The following CLSPN variants were observed in gnomAD, a reference collection of about 807,000 sequenced individuals.
The protein encoded by CLSPN is claspin.
Under a neutral mutation model 156.3 loss-of-function variants are expected in CLSPN, and 85 were observed. The observed-to-expected ratio is 0.54, with a 90% CI of 0.46 to 0.65. The LOEUF (loss-of-function observed/expected upper bound fraction) is 0.65, where lower values mean the gene tolerates loss of function less well. Among genes scored for constraint, CLSPN ranks in the 30% least tolerant of loss-of-function variants. The pLI, the probability that CLSPN is intolerant of heterozygous loss-of-function variation, is 0.00. For synonymous variants in CLSPN, 534 were observed against 542.4 expected (o/e 0.98, Z 0.22); for missense variants, 1,407 against 1,554.9 (o/e 0.90, Z 1.60).
At position 35,762,147 on chromosome 1, in the gene CLSPN, T is replaced by G. The variant is rs1642502046; in HGVS notation, c.823-77A>C. ...GATAGATATTCATCACTCAAGAGTT[T>G]GCTCTCTCCAAGAAAAGAGGAAAGG... On this transcript the variant is annotated intron_variant, in intron 5 of 24. Transcript: ENST00000318121. 3 of 1,142,030 alleles carry G rather than the reference T, an allele frequency of 2.6e-6. No individual in the cohort carries two copies. The African/African-American group carries it at 4.6e-5, about 18-fold the overall frequency. 70.7% of individuals were successfully genotyped at this position (1,142,030 alleles called of 1,614,324 possible). A position where few individuals can be genotyped will look rare whatever the true frequency, so the allele number is the denominator to read the frequency against.
intron 5 of CLSPN, 56 bp downstream of exon 5, chr1:35,762,348 C>T (rs1642509752): frequency 7.3e-7 from 1 of 1,372,418 alleles, no homozygotes; most frequent in African/African-American, 1.5e-5. Flanking sequence ...CCTAAGAAAT[C>T]TATAATCTCC....
Position 35,722,157 on chromosome 1 carries a change from T to C in CLSPN, c.3910-1177A>G, listed in dbSNP as rs368645199. 1.5e-4 allele frequency among the ~76,000 whole-genome samples: 22 copies of C among 149,404 alleles called. 1 individual carries two copies. In the East Asian group the frequency reaches 1.6e-3, roughly 11 times the overall value. On this transcript the variant is annotated intron_variant, in intron 24 of 24. Transcript: ENST00000251195. ...CTGTCTCAAAAAAAAAAAATTAAAATAAAATAAATAAAGCCTATATCGTGC... is the reference window on the plus strand; with the variant it reads ...CTGTCTCAAAAAAAAAAAATTAAAACAAAATAAATAAAGCCTATATCGTGC...
rs761537035 is a variant in CLSPN, at chr1:35,760,850, G to C, written c.1071C>G (p.Asn357Lys). The change falls in exon 8 of 25, where the codon AAC (asparagine) becomes AAG (lysine). Residue 357 changes from asparagine (N) to lysine (K), a missense_variant. This residue lies in a region of CLSPN where 1,096 missense variants were observed against 1,193.0 expected (regional missense o/e 0.92). Coordinates refer to ENST00000318121, the MANE Select transcript of CLSPN (RefSeq NM_022111.4). The stretch of plus-strand genomic sequence containing the variant: ...CAGAACCTTTACTATGGTGATCACT[G>C]TTCATTTCAGTAGTATTTGCAGTGT... ...IIDTANTTEM[N>K]SDHHSKGSEQ... The C allele has an allele frequency of 7.4e-6, 12 of 1,613,736 alleles. No individual in the cohort carries two copies. Among genetic ancestry groups the C allele is most frequent in the Non-Finnish European group, 8.5e-6 (10 of 1,179,938 alleles).
chr1:35,750,330 CA>C (rs923877741), intron 10 of CLSPN, among the ~76,000 whole-genome samples: 5 of 146,766 alleles, frequency 3.4e-5, no homozygotes, highest in Non-Finnish European at 6.0e-5. Flanking sequence ...ACCCTCATCT[CA>C]AAAAAATTTA....
rs760271617 is a variant in CLSPN at position 35,749,622 on chromosome 1, G to C, written c.2207+11C>G. ...AGGCAATTTTAAGTTTTCTTAGAGA[G>C]AATCACTTACCCCATCTTGGAAGAG... On this transcript the variant is annotated intron_variant, in intron 11 of 24. Coordinates refer to ENST00000318121, the MANE Select transcript of CLSPN (RefSeq NM_022111.4). 3.1e-6 allele frequency: 5 copies of C among 1,613,694 alleles called. No individual in the cohort carries two copies. In the South Asian group the frequency reaches 5.5e-5, roughly 18 times the overall value.
At position 35,738,553 on chromosome 1, in the gene CLSPN, T is replaced by C. The variant is rs750050901; in HGVS notation, c.3460A>G (p.Arg1154Gly). The C allele has an allele frequency of 2.5e-6, 4 of 1,613,906 alleles. No homozygotes were observed. The highest frequency in any genetic ancestry group is 3.4e-6 in the Non-Finnish European group (4 of 1,179,922). The change falls in exon 21 of 25, where the codon AGA (arginine) becomes GGA (glycine). Residue 1154 changes from arginine (R) to glycine (G), a missense_variant. Around this residue, in one of 3 missense-constraint regions of CLSPN, gnomAD observed 241 missense variants for 240.5 expected, o/e 1.00. Coordinates refer to ENST00000318121, the MANE Select transcript of CLSPN (RefSeq NM_022111.4). ...TCAGTCTGATCATCATCAGAGTCTC[T>C]GTGGAACAAGTCCATCTGGGAAGCA... ...DDASQMDLFH[R>G]DSDDDQTEEQ...
intron 1 of CLSPN, 98 bp from the exon 2 acceptor site, chr1:35,765,424 T>A: frequency 1.3e-6 from 1 of 753,800 alleles, no homozygotes. Flanking sequence ...CAACCTGAAC[T>A]AAGGAAAGAA....
Position 35,748,015 on chromosome 1 carries a change from T to C in CLSPN, c.2519A>G (p.Gln840Arg). The C allele has an allele frequency of 1.2e-6, 2 of 1,614,166 alleles. No homozygotes were observed. Among genetic ancestry groups the C allele is most frequent in the Non-Finnish European group, 1.7e-6 (2 of 1,180,022 alleles). Residue 840 changes from glutamine to arginine, a missense_variant, in exon 14 of 25, where the codon CAG becomes CGG. Physicochemically the swap from Gln to Arg is conservative, Grantham distance 43. This residue lies in a region of CLSPN where 1,096 missense variants were observed against 1,193.0 expected (regional missense o/e 0.92). Transcript: ENST00000318121. ...CTCTGGGGAGGCGTTATACAGATCC[T>C]GGGAATCCTCTATGGGAAGTGAAGG... ...SEPSLPIEDS[Q>R]DLYNASPEPK...
chr1:35,767,815 G>A (rs1363585192), intron 1 of CLSPN, among the ~76,000 whole-genome samples: 1 of 152,088 alleles, frequency 6.6e-6, no homozygotes, highest in East Asian at 1.9e-4. Flanking sequence ...TAAGGTGATG[G>A]GTTCATTATA....
At chr1:35,738,155 T>A in intron 21 of CLSPN, 58 bp from the exon 22 acceptor site, 1 of 719,810 alleles carries the variant, frequency 1.4e-6, no homozygotes, top group Non-Finnish European at 2.0e-6. Context: ...ATTAAAAGTC[T>A]ATAACCTTCC....
rs1223401117 is a variant in CLSPN, at chr1:35,726,619, G to A, written c.3910-5639C>T. On this transcript the variant is annotated intron_variant, in intron 24 of 24. Transcript: ENST00000251195. ...ATAAATAAAACTGAAAATCAATACC[G>A]TTAGCAGAACAGGGAGAGCCAGAAT... Among the ~76,000 whole-genome samples the A allele has an allele frequency of 5.3e-5, 8 of 152,276 alleles. No individual in the cohort carries two copies. The South Asian group carries it at 1.2e-3, about 24-fold the overall frequency.
chr1:35,767,480 T>TGA (rs1642715246), intron 1 of CLSPN, among the ~76,000 whole-genome samples: 4 of 152,192 alleles, frequency 2.6e-5, no homozygotes, highest in African/African-American at 7.2e-5. Context: ...CCTGAAAATC[T>TGA]GAAATGCTCC....
chr1:35,738,621 T>G (rs775368204), intron 20 of CLSPN, 39 bp from the exon 21 acceptor site: 12 of 1,610,482 alleles, frequency 7.5e-6, no homozygotes, highest in East Asian at 2.2e-5. Flanking sequence ...TCGGCAGTCC[T>G]CACAGGAGAG....
chr1:35,760,313 G>A, intron 8 of CLSPN, 29 bp downstream of exon 8: 1 of 1,564,876 alleles, frequency 6.4e-7, no homozygotes, highest in African/African-American at 1.4e-5. Flanking sequence ...AATCACTCCA[G>A]GGAGGCTCCC....
Position 35,735,844 on chromosome 1 carries a change from C to T in CLSPN, c.*652G>A. 1.0e-6 allele frequency: 1 copy of T among 985,306 alleles called. No homozygotes were observed. Among genetic ancestry groups the T allele is most frequent in the Non-Finnish European group, 1.2e-6 (1 of 829,906 alleles). The allele number at this position is 985,306 out of a possible 1,614,324, so 61.0% of individuals were successfully genotyped here. On this transcript the variant is annotated 3_prime_UTR_variant, in exon 25 of 25. Coordinates refer to ENST00000318121, the MANE Select transcript of CLSPN (RefSeq NM_022111.4). ...ACACTTTTCCCTACTCTTCCTCTTCCAACCACTTCTATCAATCACAAAGAG... is the reference window on the plus strand; with the variant it reads ...ACACTTTTCCCTACTCTTCCTCTTCTAACCACTTCTATCAATCACAAAGAG...
At chr1:35,724,348 C>T (rs1303557839) in intron 24 of CLSPN, among the ~76,000 whole-genome samples, 1 of 152,102 alleles carries the variant, frequency 6.6e-6, no homozygotes, top group Non-Finnish European at 1.5e-5. Flanking sequence ...TCAGGAAACA[C>T]CCCGTAGGCC....
rs567881746 is a variant in CLSPN, at chr1:35,735,777, A to C, written c.*719T>G. The C allele has an allele frequency of 6.1e-6, 6 of 984,928 alleles. No homozygotes were observed. In the South Asian group the frequency reaches 2.8e-4, roughly 46 times the overall value. 61.0% of individuals were successfully genotyped at this position (984,928 alleles called of 1,614,324 possible). ...GGTACGTATCTCATGGGTGTAAAGG[A>C]GTCATTATGGTACTGATTTTCACTG... On this transcript the variant is annotated 3_prime_UTR_variant, in exon 25 of 25. Transcript: ENST00000318121.
chr1:35,729,846 C>A (rs1309403130), downstream of CLSPN, among the ~76,000 whole-genome samples: 1 of 152,174 alleles, frequency 6.6e-6, no homozygotes, highest in Non-Finnish European at 1.5e-5. Context: ...TTAATTTGTA[C>A]CTTTGATCCT....
intron 1 of CLSPN, among the ~76,000 whole-genome samples, chr1:35,768,941 A>T (rs1457472018): frequency 6.6e-6 from 1 of 152,176 alleles, no homozygotes; most frequent in East Asian, 1.9e-4. Context: ...ATTTTTTAAA[A>T]AATTAAATCA....
Sources: allele counts gnomAD v4.1 joint callset (sites outside exome capture counted in the v4.1 genomes callset), GRCh38; gene constraint gnomAD v4.1.1; regional missense constraint gnomAD v4.1.1; transcripts MANE v1.5; gene names NCBI Gene and HGNC (gene_info 2026-07-23, HGNC 2026-07-21).